CELSR1: variants seen among roughly 807,000 people sequenced by gnomAD.
CELSR1 encodes cadherin EGF LAG seven-pass G-type receptor 1, also known as adhesion G protein-coupled receptor C1.
In CELSR1, 110 loss-of-function variants were observed where a neutral mutation model predicts 249.1. The observed-to-expected ratio is 0.44, with a 90% CI of 0.38 to 0.52. The LOEUF (loss-of-function observed/expected upper bound fraction) is 0.52, where lower values mean the gene tolerates loss of function less well. Ranked by LOEUF, CELSR1 falls within the 20% of genes least tolerant of loss-of-function variation. The pLI, the probability that CELSR1 is intolerant of heterozygous loss-of-function variation, is 0.00. For missense variants in CELSR1, 4,109 were observed against 4,296.4 expected (o/e 0.96, Z 1.22); for synonymous variants, 2,113 against 1,900.0 (o/e 1.11, Z -2.92).
At chr22:46,438,335 C>T (rs1327723305) in intron 3 of CELSR1, among the ~76,000 whole-genome samples, 1 of 152,120 alleles carries the variant, frequency 6.6e-6, no homozygotes, top group African/African-American at 2.4e-5. Flanking sequence ...AAAGCACCCA[C>T]CTGAAACAAA....
At position 46,441,614 on chromosome 22, in the gene CELSR1, T is replaced by A. The variant is rs1321743022; in HGVS notation, c.4184-2203A>T. Among the ~76,000 whole-genome samples, 3 of 152,084 alleles carry A rather than the reference T, an allele frequency of 2.0e-5. No individual in the cohort carries two copies. Among genetic ancestry groups the A allele is most frequent in the Non-Finnish European group, 2.9e-5 (2 of 68,012 alleles). On this transcript the variant is annotated intron_variant, in intron 2 of 34. Coordinates refer to ENST00000674500, the MANE Select transcript of CELSR1 (RefSeq NM_001378328.1). The surrounding 1 kb of genome is among the most constrained non-coding windows in gnomAD (Gnocchi z 6.1). ...GTCTGTCTTTCTAGCTAGCAGACGGTGCCTTCTTGCCGCATAAGGGAGAGG... is the reference window on the plus strand; with the variant it reads ...GTCTGTCTTTCTAGCTAGCAGACGGAGCCTTCTTGCCGCATAAGGGAGAGG...
rs2079581507 is a variant in CELSR1, at chr22:46,430,407, C to T, written c.4611+2986G>A. ...GGGCAGGGGGGATGACCGTCTGCAT[C>T]AGCCAAGGCAGGCAGGGACGCGTGT... On this transcript the variant is annotated intron_variant, in intron 5 of 34. Transcript: ENST00000674500. The surrounding 1 kb of genome is among the most constrained non-coding windows in gnomAD (Gnocchi z 4.6). Among the ~76,000 whole-genome samples the T allele has an allele frequency of 6.6e-6, 1 of 152,170 alleles. No individual in the cohort carries two copies. Among genetic ancestry groups the T allele is most frequent in the Non-Finnish European group, 1.5e-5 (1 of 68,012 alleles).
chr22:46,470,922 C>T (rs968562692), intron 1 of CELSR1, among the ~76,000 whole-genome samples: 3 of 152,048 alleles, frequency 2.0e-5, no homozygotes, highest in Non-Finnish European at 1.5e-5. Context: ...GTCAGGAGTT[C>T]GAGACTAGCC....
intron 1 of CELSR1, among the ~76,000 whole-genome samples, chr22:46,465,611 G>A (rs190559788): frequency 3.3e-5 from 5 of 152,330 alleles, no homozygotes; most frequent in East Asian, 1.9e-4. Context: ...AAGAGGAAAC[G>A]GAACAAGAGC....
At chr22:46,510,374 C>T (rs2080560688) in intron 1 of CELSR1, among the ~76,000 whole-genome samples, 1 of 152,126 alleles carries the variant, frequency 6.6e-6, no homozygotes, top group Non-Finnish European at 1.5e-5. Flanking sequence ...AACGCACCCC[C>T]TTCCCGGAGC....
chr22:46,459,975 G>A (rs1358278306), intron 2 of CELSR1, among the ~76,000 whole-genome samples: 12 of 152,234 alleles, frequency 7.9e-5, no homozygotes, highest in Admixed American at 7.8e-4. Flanking sequence ...GGGAGGCCAA[G>A]GCAGGCGAAT....
Position 46,398,969 on chromosome 22 carries a change from G to A in CELSR1, c.5413-332C>T, listed in dbSNP as rs2147283469. ...CTGTGACAGAGAGCTTGGCGAGTCA[G>A]GAAGACTGCAGTGAACGGAAATCCG... On this transcript the variant is annotated intron_variant, in intron 10 of 34. Coordinates refer to ENST00000674500, the MANE Select transcript of CELSR1 (RefSeq NM_001378328.1). This position sits in a 1 kb window ranked among gnomAD's most constrained non-coding sequence, Gnocchi z 7.2. 6.6e-6 allele frequency among the ~76,000 whole-genome samples: 1 copy of A among 152,330 alleles called. No individual in the cohort carries two copies. The highest frequency in any genetic ancestry group is 2.4e-5 in the African/African-American group (1 of 41,576).
Position 46,402,219 on chromosome 22 carries a change from CTTTTT to C in CELSR1, c.5227-2322_5227-2318del, listed in dbSNP as rs547364572. On this transcript the variant is annotated intron_variant, in intron 9 of 34. Transcript: ENST00000674500. The surrounding 1 kb of genome is among the most constrained non-coding windows in gnomAD (Gnocchi z 5.0). ...CATCCCCATTCTAGTTTCTCTTTTTCTTTTTTTTTTTTTTGAGACAGAGTTTCACT... is the reference window on the plus strand; with the variant it reads ...CATCCCCATTCTAGTTTCTCTTTTTCTTTTTTTTTGAGACAGAGTTTCACT... Among the ~76,000 whole-genome samples, 1 of 143,320 alleles carries C rather than the reference CTTTTT, an allele frequency of 7.0e-6. No homozygotes were observed. The highest frequency in any genetic ancestry group is 1.5e-5 in the Non-Finnish European group (1 of 65,064). 94.0% of individuals were successfully genotyped at this position (143,320 alleles called of 152,430 possible).
At chr22:46,453,555 A>C (rs111663877) in intron 2 of CELSR1, among the ~76,000 whole-genome samples, 190 of 152,334 alleles carry the variant, frequency 1.2e-3, no homozygotes, top group African/African-American at 4.3e-3. Context: ...CTGGCAGGCC[A>C]GAGGTGCGTG....
In CELSR1 at chr22:46,520,155, T is replaced by C. The variant is rs535677841; in HGVS notation, c.3544+13472A>G. 6.1e-3 allele frequency among the ~76,000 whole-genome samples: 921 copies of C among 152,138 alleles called. 7 individuals are homozygous for C. Among genetic ancestry groups the C allele is most frequent in the Non-Finnish European group, 0.011 (747 of 67,982 alleles). ...TCCCAAAGTGCTGGAATTACAGGCG[T>C]GAGCCACTGCGCCCAGCCCCCTATT... On this transcript the variant is annotated intron_variant, in intron 1 of 34. Coordinates refer to ENST00000674500, the MANE Select transcript of CELSR1 (RefSeq NM_001378328.1).
Position 46,380,380 on chromosome 22 carries a change from C to T in CELSR1, c.7256+408G>A, listed in dbSNP as rs2078964399. Among the ~76,000 whole-genome samples, 1 of 152,200 alleles carries T rather than the reference C, an allele frequency of 6.6e-6. No homozygotes were observed. The highest frequency in any genetic ancestry group is 6.5e-5 in the Admixed American group (1 of 15,290). Reference sequence around the variant, plus strand: ...TCGGGCAAGACCGTCAGCAGATGGGCTCTTAGGCCAGTCTCTGGGTTCTGT... The same window carrying T: ...TCGGGCAAGACCGTCAGCAGATGGGTTCTTAGGCCAGTCTCTGGGTTCTGT... On this transcript the variant is annotated intron_variant, in intron 22 of 34. Transcript: ENST00000674500. The surrounding 1 kb of genome is among the most constrained non-coding windows in gnomAD (Gnocchi z 5.1).
At chr22:46,491,190 G>A (rs2080363838) in intron 1 of CELSR1, among the ~76,000 whole-genome samples, 1 of 99,370 alleles carries the variant, frequency 1.0e-5, no homozygotes, top group Non-Finnish European at 2.0e-5. Context: ...TCCAGACATG[G>A]CCACGTCTCC....
chr22:46,530,205 G>A (rs1045199627), intron 1 of CELSR1: 1 of 152,042 alleles, frequency 6.6e-6, no homozygotes, highest in Non-Finnish European at 1.5e-5. Flanking sequence ...TGAGATCAAG[G>A]CTGACATGAA....
At position 46,363,044 on chromosome 22, in the gene CELSR1, CT is replaced by C. The variant is rs537242695; in HGVS notation, c.*178del. 5.9e-4 allele frequency: 788 copies of C among 1,333,878 alleles called. 4 individuals carry two copies. The Middle Eastern group carries it at 7.5e-3, about 13-fold the overall frequency. 82.6% of individuals were successfully genotyped at this position (1,333,878 alleles called of 1,614,324 possible). A position where few individuals can be genotyped will look rare whatever the true frequency, so the allele number is the denominator to read the frequency against. The stretch of plus-strand genomic sequence containing the variant: ...CCTGGGAGAACCAAGACCTTTGTGT[CT>C]GGATGATCAGTCGGGGGGCTGCCAC... On this transcript the variant is annotated 3_prime_UTR_variant, in exon 35 of 35. Transcript: ENST00000674500. The surrounding 1 kb of genome is among the most constrained non-coding windows in gnomAD (Gnocchi z 4.3).
chr22:46,474,785 C>CTTT (rs1569189753), intron 1 of CELSR1, among the ~76,000 whole-genome samples: 3 of 45,190 alleles, frequency 6.6e-5, no homozygotes, highest in South Asian at 1.6e-3. Context: ...CTACTCTCTA[C>CTTT]TTCTTTTTTT....
intron 1 of CELSR1, among the ~76,000 whole-genome samples, chr22:46,467,966 G>C (rs892428262): frequency 6.6e-6 from 1 of 152,094 alleles, no homozygotes; most frequent in Non-Finnish European, 1.5e-5. Context: ...AGCATGTACC[G>C]TTTGGGTTGC....
intron 2 of CELSR1, among the ~76,000 whole-genome samples, chr22:46,443,289 G>A (rs778935548): frequency 4.5e-4 from 68 of 152,212 alleles, no homozygotes; most frequent in Non-Finnish European, 8.1e-4. Context: ...GTCAGAGCCA[G>A]GCACAGGCCA....
Position 46,372,959 on chromosome 22 carries a change from G to A in CELSR1, c.7683C>T (p.Thr2561=), listed in dbSNP as rs763635949. ...VESLHVYRML[T]EVRNIDTGPM... ...GCCCCGTGTCGATGTTGCGCACCTC[G>A]GTCAGCATGCGGTAGACATGCAGGC... Residue 2561 remains threonine (T), a synonymous_variant, in exon 25 of 35, where the codon ACC becomes ACT. Coordinates refer to ENST00000674500, the MANE Select transcript of CELSR1 (RefSeq NM_001378328.1). 8.7e-6 allele frequency: 14 copies of A among 1,613,250 alleles called. No individual in the cohort carries two copies. Among genetic ancestry groups the A allele is most frequent in the East Asian group, 2.2e-5 (1 of 44,880 alleles).
rs573687510 is a variant in CELSR1 at position 46,373,030 on chromosome 22, G to A, written c.7612C>T (p.Leu2538Phe). The change falls in exon 25 of 35, where the codon CTC (leucine) becomes TTC (phenylalanine). Residue 2538 changes from leucine (L) to phenylalanine (F), a missense_variant. Leu to Phe is a conservative substitution (Grantham distance 22). Around this residue, in one of 7 missense-constraint regions of CELSR1, gnomAD observed 1,805 missense variants for 1,831.6 expected, o/e 0.99. Transcript: ENST00000674500. Reference sequence around the variant, plus strand: ...AAGGTGCTCATGTAGATGTAGTGGAGGAGGATGGCAACCACTGTGCACAGA... The same window carrying A: ...AAGGTGCTCATGTAGATGTAGTGGAAGAGGATGGCAACCACTGTGCACAGA... ...PFLCTVVAIL[L>F]HYIYMSTFAW... 2.4e-5 allele frequency: 38 copies of A among 1,611,036 alleles called. No homozygotes were observed. In the South Asian group the frequency reaches 4.2e-4, roughly 18 times the overall value.
Sources: allele counts gnomAD v4.1 joint callset (sites outside exome capture counted in the v4.1 genomes callset), GRCh38; gene constraint gnomAD v4.1.1; regional missense constraint gnomAD v4.1.1; non-coding constraint Gnocchi (gnomAD v3.1); transcripts MANE v1.5; gene names NCBI Gene and HGNC (gene_info 2026-07-23, HGNC 2026-07-21).